SRGAP1: variants seen among roughly 807,000 people sequenced by gnomAD.
The protein encoded by SRGAP1 is SLIT-ROBO Rho GTPase activating protein 1.
Under a neutral mutation model 121.9 loss-of-function variants are expected in SRGAP1, and 43 were observed. The observed-to-expected ratio is 0.35, with a 90% CI of 0.28 to 0.46. SRGAP1 has a LOEUF of 0.46. Among genes scored for constraint, SRGAP1 ranks in the 20% least tolerant of loss-of-function variants. The pLI, the probability that SRGAP1 is intolerant of heterozygous loss-of-function variation, is 1.00. For synonymous variants in SRGAP1, 447 were observed against 485.4 expected (o/e 0.92, Z 1.04); for missense variants, 1,102 against 1,350.9 (o/e 0.82, Z 2.89).
intron 4 of SRGAP1, among the ~76,000 whole-genome samples, chr12:64,039,991 T>C (rs1193348391): frequency 6.6e-6 from 1 of 152,192 alleles, no homozygotes; most frequent in African/African-American, 2.4e-5. Context: ...ATTTTAGCCC[T>C]TACTTTGTTC....
At chr12:64,025,884 C>T (rs1047061552) in intron 4 of SRGAP1, among the ~76,000 whole-genome samples, 8 of 152,102 alleles carry the variant, frequency 5.3e-5, no homozygotes, top group Admixed American at 2.0e-4. Flanking sequence ...CCAGAATGAT[C>T]GGGATTAATA....
chr12:64,109,284 A>G (rs1001679342), intron 16 of SRGAP1, among the ~76,000 whole-genome samples: 2 of 152,198 alleles, frequency 1.3e-5, no homozygotes. Flanking sequence ...TACTAAAAAA[A>G]AACCACAACT....
intron 1 of SRGAP1, among the ~76,000 whole-genome samples, chr12:63,941,182 C>A (rs1369588974): frequency 6.6e-6 from 1 of 151,222 alleles, no homozygotes; most frequent in African/African-American, 2.4e-5. Flanking sequence ...TATTAATTAG[C>A]TTTCTTTACC....
chr12:64,081,599 GAC>G (rs1166609863), intron 10 of SRGAP1: 1 of 151,720 alleles, frequency 6.6e-6, no homozygotes, highest in Non-Finnish European at 1.5e-5. Context: ...AGTTATGAAA[GAC>G]ATTTTAAGAA....
At chr12:63,878,434 A>C (rs1565932129) in intron 1 of SRGAP1, among the ~76,000 whole-genome samples, 2 of 152,220 alleles carry the variant, frequency 1.3e-5, no homozygotes, top group Non-Finnish European at 1.5e-5. Flanking sequence ...GTATGTTCGC[A>C]TCTTTTTAAA....
intron 1 of SRGAP1, among the ~76,000 whole-genome samples, chr12:63,910,442 C>T (rs954776285): frequency 6.6e-6 from 1 of 152,210 alleles, no homozygotes; most frequent in Non-Finnish European, 1.5e-5. Flanking sequence ...GACTATCCTT[C>T]CAACCGTACT....
intron 4 of SRGAP1, among the ~76,000 whole-genome samples, chr12:64,035,074 A>AACT (rs1164226369): frequency 1.3e-5 from 2 of 152,080 alleles, no homozygotes; most frequent in African/African-American, 4.8e-5. Context: ...AAAGAAAAAA[A>AACT]ACTTTCTGGT....
chr12:64,104,033 TC>T (rs1479624843), intron 15 of SRGAP1, among the ~76,000 whole-genome samples: 1 of 152,190 alleles, frequency 6.6e-6, no homozygotes, highest in Non-Finnish European at 1.5e-5. Flanking sequence ...GGAATTTCCT[TC>T]CCTGTCTTCA....
intron 1 of SRGAP1, among the ~76,000 whole-genome samples, chr12:63,944,418 G>A (rs2031974689): frequency 6.6e-6 from 1 of 152,170 alleles, no homozygotes; most frequent in African/African-American, 2.4e-5. Context: ...CATGGCAGAA[G>A]GGGTGAGGGA....
chr12:64,078,919 G>C lies in SRGAP1; in HGVS notation c.1126G>C (p.Val376Leu). The C allele has an allele frequency of 6.2e-7, 1 of 1,612,498 alleles. No homozygotes were observed. The highest frequency in any genetic ancestry group is 8.5e-7 in the Non-Finnish European group (1 of 1,179,858). ...GTGAGAAATGTATTTCTATTCCCAG[G>C]TTAAGAAAACGACTGAAGCCACCTT... ...LATLKIENEE[V>L]KKTTEATLQT... Residue 376 changes from valine to leucine, a missense_variant and splice_region_variant, in exon 9 of 22, where the codon GTT becomes CTT. Val to Leu is a conservative substitution (Grantham distance 32). Coordinates refer to ENST00000355086, the MANE Select transcript of SRGAP1 (RefSeq NM_020762.4).
intron 1 of SRGAP1, among the ~76,000 whole-genome samples, chr12:63,946,749 T>C (rs2032061880): frequency 6.6e-6 from 1 of 152,148 alleles, no homozygotes; most frequent in African/African-American, 2.4e-5. Context: ...TTCTCCATGC[T>C]GGCTAGGCTA....
In SRGAP1 at chr12:64,072,149, G is replaced by GTGTGTGT. The variant is rs1159654414; in HGVS notation, c.1126-6770_1126-6769insTGTGTGT. Reference sequence around the variant, plus strand: ...GTGTGTGTGTGTGTGTGTGTGTGTGGGCGGCGGGGGGGGGCTCTTTCTGCT... The same window carrying GTGTGTGT: ...GTGTGTGTGTGTGTGTGTGTGTGTGGTGTGTGTGCGGCGGGGGGGGGCTCTTTCTGCT... On this transcript the variant is annotated intron_variant, in intron 8 of 21. Coordinates refer to ENST00000355086, the MANE Select transcript of SRGAP1 (RefSeq NM_020762.4). Among the ~76,000 whole-genome samples, 71 of 18,430 alleles carry GTGTGTGT rather than the reference G, an allele frequency of 3.9e-3. 4 individuals carry two copies. Among genetic ancestry groups the GTGTGTGT allele is most frequent in the Non-Finnish European group, 0.013 (58 of 4,526 alleles). The allele number at this position is 18,430 out of a possible 152,430, so 12.1% of individuals were successfully genotyped here.
At chr12:64,072,439 T>G (rs1164305984) in intron 8 of SRGAP1, among the ~76,000 whole-genome samples, 4 of 152,140 alleles carry the variant, frequency 2.6e-5, no homozygotes, top group Admixed American at 6.6e-5. Context: ...TTCCAGTGAC[T>G]AAGAATGTGA....
chr12:64,146,892 A>G lies in SRGAP1; in HGVS notation c.*4220A>G, dbSNP rs1447867459. ...TACCCTAGTATACGTTCTTAAAAAAAAAAAAAAGTCTATGTGGTATAATCG... is the reference window on the plus strand; with the variant it reads ...TACCCTAGTATACGTTCTTAAAAAAGAAAAAAAGTCTATGTGGTATAATCG... On this transcript the variant is annotated 3_prime_UTR_variant, in exon 22 of 22. Transcript: ENST00000355086. 6.6e-6 allele frequency: 1 copy of G among 151,908 alleles called. No homozygotes were observed. Among genetic ancestry groups the G allele is most frequent in the African/African-American group, 2.4e-5 (1 of 41,328 alleles). The allele number at this position is 151,908 out of a possible 1,614,324, so 9.4% of individuals were successfully genotyped here.
intron 1 of SRGAP1, among the ~76,000 whole-genome samples, chr12:63,980,873 C>T (rs1358256632): frequency 2.0e-5 from 3 of 152,186 alleles, no homozygotes; most frequent in East Asian, 1.9e-4. Flanking sequence ...GGATTACAGG[C>T]GTGAACCACC....
chr12:64,092,228 T>C (rs971283177), intron 12 of SRGAP1, among the ~76,000 whole-genome samples: 2 of 152,164 alleles, frequency 1.3e-5, no homozygotes, highest in Non-Finnish European at 2.9e-5. Flanking sequence ...AATACTGGAT[T>C]ATGGACCCTA....
At chr12:64,120,452 A>G (rs2036589070) in intron 18 of SRGAP1, 1 of 152,140 alleles carries the variant, frequency 6.6e-6, no homozygotes. Flanking sequence ...TGGAATGTGG[A>G]TGGGATTCTC....
At chr12:64,086,320 G>A (rs2035938387) in intron 10 of SRGAP1, among the ~76,000 whole-genome samples, 2 of 152,180 alleles carry the variant, frequency 1.3e-5, no homozygotes, top group African/African-American at 4.8e-5. Flanking sequence ...GATTGTCGGA[G>A]CCCTACAAAA....
intron 4 of SRGAP1, among the ~76,000 whole-genome samples, chr12:64,019,278 A>G (rs1053972858): frequency 6.6e-6 from 1 of 152,168 alleles, no homozygotes; most frequent in South Asian, 2.1e-4. Context: ...GTAGCGTTCA[A>G]GTGAGTAAGC....
Sources: gnomAD v4.1 joint callset for allele counts (sites outside exome capture counted in the v4.1 genomes callset) on GRCh38, gnomAD v4.1.1 for gene constraint, MANE v1.5 for transcripts, NCBI Gene and HGNC (gene_info 2026-07-23, HGNC 2026-07-21) for gene names.